C2CD3: variants seen among roughly 807,000 people sequenced by gnomAD.
C2CD3 encodes the protein C2 domain-containing protein 3.
In C2CD3, 148 loss-of-function variants were observed where a neutral mutation model predicts 234.0. The observed-to-expected ratio is 0.63, with a 90% CI of 0.55 to 0.72. The LOEUF is 0.72. Ranked by LOEUF, C2CD3 falls within the 30% of genes least tolerant of loss-of-function variation. C2CD3 has a pLI of 0.00. For missense variants in C2CD3, 2,577 were observed against 2,811.5 expected (o/e 0.92, Z 1.89); for synonymous variants, 1,000 against 1,035.4 (o/e 0.97, Z 0.66).
chr11:74,079,705 C>T (rs1955245289), intron 22 of C2CD3, among the ~76,000 whole-genome samples: 1 of 151,914 alleles, frequency 6.6e-6, no homozygotes, highest in South Asian at 2.1e-4. Flanking sequence ...CTTATTACTG[C>T]TACCAAGTAA....
Position 74,078,365 on chromosome 11 carries a change from G to C in C2CD3, c.4353C>G (p.Leu1451=), listed in dbSNP as rs770579507. The change falls in exon 23 of 33, where the codon CTC becomes CTG. Residue 1451 remains leucine, a synonymous_variant. Transcript: ENST00000334126. ...FYDHEAFWTP[L]KKPKESVNKK... Reference sequence around the variant, plus strand: ...TGTTTACAGATTCCTTAGGCTTCTTGAGAGGGGTCCAAAAGGCTTCATGAT... The same window carrying C: ...TGTTTACAGATTCCTTAGGCTTCTTCAGAGGGGTCCAAAAGGCTTCATGAT... The C allele has an allele frequency of 1.2e-6, 2 of 1,614,130 alleles. No individual in the cohort carries two copies. The highest frequency in any genetic ancestry group is 1.7e-6 in the Non-Finnish European group (2 of 1,180,028).
intron 3 of C2CD3, among the ~76,000 whole-genome samples, chr11:74,154,337 A>G (rs1341131317): frequency 6.6e-6 from 1 of 152,172 alleles, no homozygotes; most frequent in Non-Finnish European, 1.5e-5. Context: ...AAAATTAAAC[A>G]AAGGGAGTAT....
intron 2 of C2CD3, among the ~76,000 whole-genome samples, chr11:74,166,695 A>G (rs1412328154): frequency 1.3e-5 from 2 of 152,180 alleles, no homozygotes; most frequent in Non-Finnish European, 2.9e-5. Flanking sequence ...TGTTTCATGT[A>G]TGTCAGTTTT....
At chr11:74,016,806 G>C (rs887842426) in intron 32 of C2CD3, 2 of 152,208 alleles carry the variant, frequency 1.3e-5, no homozygotes, top group Admixed American at 6.5e-5. Context: ...GTAGACCTGA[G>C]GGCACAAGAA....
intron 3 of C2CD3, among the ~76,000 whole-genome samples, chr11:74,152,261 G>A (rs1306145996): frequency 6.6e-6 from 1 of 152,126 alleles, no homozygotes; most frequent in African/African-American, 2.4e-5. Flanking sequence ...GAAAAGGGAT[G>A]TTATAAACAA....
chr11:74,105,373 C>G (rs537638437), intron 13 of C2CD3, among the ~76,000 whole-genome samples: 2 of 152,102 alleles, frequency 1.3e-5, no homozygotes, highest in East Asian at 1.9e-4. Context: ...TGGGTTCAAA[C>G]GATTTTTGTG....
chr11:74,092,282 T>C (rs1955924407), intron 19 of C2CD3, 134 bp downstream of exon 19: 6 of 686,332 alleles, frequency 8.7e-6, no homozygotes, highest in Middle Eastern at 8.4e-4. Flanking sequence ...CTCGAACTCC[T>C]GACCTCAGGT....
chr11:74,113,859 G>A lies in C2CD3; in HGVS notation c.1764C>T (p.Gly588=), dbSNP rs574592066. ...TCTTTCCCAATCCGCTTTCCGAAAA[G>A]CCCACAGGAAAGTGATATTCTACAA... The part of the protein sequence containing the change: ...TFFVEYHFPV[G]FSESGLGKTA... The change falls in exon 11 of 33, where the codon GGC becomes GGT. Residue 588 remains glycine, a synonymous_variant. Transcript: ENST00000334126. 1.9e-6 allele frequency: 3 copies of A among 1,603,942 alleles called. No individual in the cohort carries two copies. The African/African-American group carries it at 4.0e-5, about 22-fold the overall frequency.
chr11:74,104,507 T>C (rs956267603), intron 13 of C2CD3, among the ~76,000 whole-genome samples: 1 of 151,850 alleles, frequency 6.6e-6, no homozygotes, highest in African/African-American at 2.4e-5. Context: ...AAAATGTGTA[T>C]GTACATGTAT....
At chr11:74,149,729 G>A (rs568873902) in intron 3 of C2CD3, among the ~76,000 whole-genome samples, 83 of 151,782 alleles carry the variant, frequency 5.5e-4, no homozygotes, top group Non-Finnish European at 1.1e-3. Context: ...CTCCTGTGTT[G>A]TATCTCTTGT....
chr11:74,150,529 AAAC>A (rs1855566814), intron 3 of C2CD3, among the ~76,000 whole-genome samples: 2 of 101,940 alleles, frequency 2.0e-5, no homozygotes, highest in African/African-American at 4.9e-5. Flanking sequence ...AAAAAAAACA[AAAC>A]AAATTTCTAA....
At chr11:74,037,411 T>G in intron 30 of C2CD3, 67 bp downstream of exon 30, 3 of 1,238,266 alleles carry the variant, frequency 2.4e-6, no homozygotes, top group Non-Finnish European at 3.6e-6. Flanking sequence ...AAGGAACACA[T>G]TCAAATGCTT....
At chr11:74,035,688 A>G (rs1952707681) in intron 30 of C2CD3, among the ~76,000 whole-genome samples, 1 of 151,358 alleles carries the variant, frequency 6.6e-6, no homozygotes, top group Non-Finnish European at 1.5e-5. Context: ...AGCATAATGG[A>G]GGCAGGGGCA....
At chr11:74,154,308 A>T (rs1358822679) in intron 3 of C2CD3, among the ~76,000 whole-genome samples, 1 of 152,186 alleles carries the variant, frequency 6.6e-6, no homozygotes, top group Non-Finnish European at 1.5e-5. Context: ...AGACACAATC[A>T]TGAAAATAAA....
At chr11:74,109,962 T>A (rs551128376) in intron 11 of C2CD3, among the ~76,000 whole-genome samples, 24 of 145,476 alleles carry the variant, frequency 1.6e-4, no homozygotes, top group Non-Finnish European at 3.0e-4. Flanking sequence ...ACGCCTGTAG[T>A]CCCAGCTACT....
rs754037707 is a variant in C2CD3 at position 74,093,951 on chromosome 11, T to G, written c.3209A>C (p.Asp1070Ala). 3 of 1,613,960 alleles carry G rather than the reference T, an allele frequency of 1.9e-6. No individual in the cohort carries two copies. In the African/African-American group the frequency reaches 4.0e-5, roughly 22 times the overall value. The change falls in exon 18 of 33, where the codon GAT becomes GCT. Residue 1070 changes from aspartate to alanine, a missense_variant. Physicochemically the swap from Asp to Ala is moderately radical, Grantham distance 126 (BLOSUM62 -2). Transcript: ENST00000334126. ...ATGGTGTTCACTATTAAAGATGGGA[T>G]CTGGAACACAGAGTGTGGTTGCAGT... ...FRTATTLCVP[D>A]PIFNSEHHHS...
chr11:74,143,520 TTTTA>T (rs1854948400), intron 3 of C2CD3, among the ~76,000 whole-genome samples: 1 of 144,930 alleles, frequency 6.9e-6, no homozygotes, highest in African/African-American at 2.5e-5. Flanking sequence ...ATCAAGCTAA[TTTTA>T]TTTTATATAT....
rs368811322 is a variant in C2CD3, at chr11:74,049,447, T to A, written c.5251A>T (p.Ser1751Cys). ...TTTATCTGCCCCTGGCACTCTCCAC[T>A]GAAGTCTGTGATGTTGTACCAGCCA... ...VCGWYNITDF[S>C]GECQGQIKVA... Residue 1751 changes from serine to cysteine, a missense_variant, in exon 27 of 33, where the codon AGT becomes TGT. Ser to Cys is a moderately radical substitution (Grantham distance 112). Transcript: ENST00000334126. 2.2e-5 allele frequency: 35 copies of A among 1,613,658 alleles called. No homozygotes were observed. The highest frequency in any genetic ancestry group is 3.4e-6 in the Non-Finnish European group (4 of 1,179,982).
At position 74,090,906 on chromosome 11, in the gene C2CD3, C is replaced by T. The variant is rs200609720; in HGVS notation, c.3548G>A (p.Arg1183His). The T allele has an allele frequency of 1.9e-5, 31 of 1,613,904 alleles. No individual in the cohort carries two copies. Among genetic ancestry groups the T allele is most frequent in the Middle Eastern group, 1.6e-4 (1 of 6,078 alleles). Reference protein sequence around the residue: ...GLLDVGLRYRRSPRTAEGVLA... With the variant: ...GLLDVGLRYRHSPRTAEGVLA... Reference sequence around the variant, plus strand: ...AACTCCCTCTGCTGTTCTTGGACTACGCCTGTACCTTAGGCCCACATCCAG... The same window carrying T: ...AACTCCCTCTGCTGTTCTTGGACTATGCCTGTACCTTAGGCCCACATCCAG... Residue 1183 changes from arginine to histidine, a missense_variant, in exon 20 of 33, where the codon CGT becomes CAT. By Grantham distance (29) the Arg-to-His change is conservative (BLOSUM62 0). Transcript: ENST00000334126.
Sources: allele counts gnomAD v4.1 joint callset (sites outside exome capture counted in the v4.1 genomes callset), GRCh38; gene constraint gnomAD v4.1.1; transcripts MANE v1.5; gene names NCBI Gene and HGNC (gene_info 2026-07-23, HGNC 2026-07-21).